P4HA1: variants seen among roughly 807,000 people sequenced by gnomAD.
The protein encoded by P4HA1 is prolyl 4-hydroxylase subunit alpha-1.
Under a neutral mutation model 72.8 loss-of-function variants are expected in P4HA1, and 24 were observed. That is an observed-to-expected ratio of 0.33 (90% CI 0.24 to 0.46). The LOEUF (loss-of-function observed/expected upper bound fraction) is 0.46. P4HA1 is among the 20% of genes least tolerant of loss of function. The pLI is 1.00. For missense variants in P4HA1, 446 were observed against 640.6 expected (o/e 0.70, Z 3.28); for synonymous variants, 201 against 218.8 (o/e 0.92, Z 0.72).
In P4HA1 at chr10:73,053,436, A is replaced by G. The variant is rs1413981139; in HGVS notation, c.618T>C (p.Ser206=). Residue 206 remains serine (S), a synonymous_variant, in exon 6 of 15, where the codon TCT becomes TCC. Transcript: ENST00000394890. ...CCGCATAGCTCAAATAATCTAGAAC[A>G]GAGACTTTATCTATGGTAGAAATCT... ...EGEISTIDKV[S]VLDYLSYAVY... is the part of the protein sequence containing the mutation. 1 of 1,614,136 alleles carries G rather than the reference A, an allele frequency of 6.2e-7. No individual in the cohort carries two copies. The highest frequency in any genetic ancestry group is 2.2e-5 in the East Asian group (1 of 44,888).
intron 9 of P4HA1, among the ~76,000 whole-genome samples, chr10:73,034,422 G>T (rs998021062): frequency 6.6e-6 from 1 of 151,854 alleles, no homozygotes; most frequent in Non-Finnish European, 1.5e-5. Flanking sequence ...ACAGAAAACT[G>T]TACCCACTGA....
At chr10:73,020,416 C>CA (rs1284565602) in intron 10 of P4HA1, among the ~76,000 whole-genome samples, 1 of 151,508 alleles carries the variant, frequency 6.6e-6, no homozygotes, top group Non-Finnish European at 1.5e-5. Context: ...TAATTAAAAA[C>CA]AAAAAAACAA....
chr10:73,036,485 C>T (rs1371609855), intron 9 of P4HA1, among the ~76,000 whole-genome samples: 1 of 152,028 alleles, frequency 6.6e-6, no homozygotes, highest in Non-Finnish European at 1.5e-5. Flanking sequence ...CAACTTCTAC[C>T]TCCCGGGCTC....
chr10:73,037,549 ATATATATATATATATATATATATTT>A (rs1202728813), intron 9 of P4HA1, among the ~76,000 whole-genome samples: 3 of 29,324 alleles, frequency 1.0e-4, no homozygotes, highest in African/African-American at 2.7e-4. Context: ...ATATATATAT[ATATATATATATATATATATATATTT>A]TTTTTTTTTT....
At chr10:73,045,118 G>A in intron 8 of P4HA1, 67 bp from the exon 9 acceptor site, 3 of 1,303,536 alleles carry the variant, frequency 2.3e-6, no homozygotes, top group Middle Eastern at 1.8e-4. Flanking sequence ...TACCCAACCA[G>A]TCAGAATTCC....
At chr10:73,031,724 T>G (rs1306653483) in intron 9 of P4HA1, among the ~76,000 whole-genome samples, 1 of 152,134 alleles carries the variant, frequency 6.6e-6, no homozygotes, top group Non-Finnish European at 1.5e-5. Context: ...TAGACATTGG[T>G]TATAGTTGCA....
chr10:73,052,896 C>A (rs1841052197), intron 6 of P4HA1, among the ~76,000 whole-genome samples: 1 of 152,158 alleles, frequency 6.6e-6, no homozygotes, highest in Non-Finnish European at 1.5e-5. Context: ...TGAAGAAACA[C>A]TACATCTCTG....
chr10:73,077,466 T>C (rs1411759665), intron 1 of P4HA1, among the ~76,000 whole-genome samples: 1 of 152,202 alleles, frequency 6.6e-6, no homozygotes, highest in Non-Finnish European at 1.5e-5. Context: ...CAGCTTAAGA[T>C]GGTATTTTTC....
intron 7 of P4HA1, among the ~76,000 whole-genome samples, chr10:73,047,549 CAAAAA>C (rs1167975608): frequency 1.2e-4 from 7 of 59,120 alleles, no homozygotes; most frequent in Non-Finnish European, 2.5e-4. Context: ...ATGCTTGTGG[CAAAAA>C]AAAAAAAAAA....
At chr10:73,062,323 CT>C (rs1411074473) in intron 5 of P4HA1, among the ~76,000 whole-genome samples, 1 of 151,900 alleles carries the variant, frequency 6.6e-6, no homozygotes, top group East Asian at 1.9e-4. Flanking sequence ...CTACAGGGCT[CT>C]TTTTATGCTG....
chr10:73,010,001 C>T, intron 13 of P4HA1, 98 bp from the exon 14 acceptor site: 2 of 658,538 alleles, frequency 3.0e-6, no homozygotes, highest in Non-Finnish European at 2.7e-6. Flanking sequence ...CAGAGTCTTG[C>T]TCTATCGCCC....
intron 5 of P4HA1, among the ~76,000 whole-genome samples, chr10:73,057,941 A>G (rs899718178): frequency 1.3e-5 from 2 of 151,816 alleles, no homozygotes; most frequent in African/African-American, 2.4e-5. Context: ...AATACAAAAA[A>G]TTAGCCGGGC....
chr10:73,078,068 CA>C (rs61030339), intron 1 of P4HA1, among the ~76,000 whole-genome samples: 962 of 59,430 alleles, frequency 0.016, 9 homozygotes, highest in East Asian at 0.067. Context: ...GCTTATGTGT[CA>C]AAAAAAAAAA....
Position 73,009,943 on chromosome 10 carries a change from G to A in P4HA1, c.1438-40C>T, listed in dbSNP as rs779056009. Reference sequence around the variant, plus strand: ...TCACAATTATCCCCAAGTATACAATGCCAGGTAATTGCTTTCGGTAGTTAT... The same window carrying A: ...TCACAATTATCCCCAAGTATACAATACCAGGTAATTGCTTTCGGTAGTTAT... On this transcript the variant is annotated intron_variant, in intron 13 of 14. Transcript: ENST00000394890. 6.5e-6 allele frequency: 7 copies of A among 1,081,352 alleles called. No homozygotes were observed. The African/African-American group carries it at 7.8e-5, about 12-fold the overall frequency. 67.0% of individuals were successfully genotyped at this position (1,081,352 alleles called of 1,614,324 possible).
intron 9 of P4HA1, among the ~76,000 whole-genome samples, chr10:73,037,256 CAATT>C (rs1840595137): frequency 2.8e-5 from 4 of 142,716 alleles, no homozygotes; most frequent in South Asian, 4.7e-4. Flanking sequence ...GCTGTGCATT[CAATT>C]AGAGTAACAT....
At chr10:73,044,940 A>T in intron 9 of P4HA1, 41 bp downstream of exon 9, 1 of 1,488,154 alleles carries the variant, frequency 6.7e-7, no homozygotes, top group Non-Finnish European at 9.3e-7. Context: ...TGTATAAAAC[A>T]CTCATTAGAG....
At chr10:73,083,550 C>T (rs1030758072) in intron 1 of P4HA1, among the ~76,000 whole-genome samples, 20 of 152,108 alleles carry the variant, frequency 1.3e-4, no homozygotes, top group African/African-American at 2.4e-4. Context: ...TCAGAAAGAA[C>T]GTTAAGATGA....
intron 9 of P4HA1, among the ~76,000 whole-genome samples, chr10:73,032,735 C>T (rs755179095): frequency 4.6e-5 from 7 of 152,158 alleles, no homozygotes; most frequent in African/African-American, 7.2e-5. Flanking sequence ...CGCTGCCAGA[C>T]GAAGCCAAAG....
chr10:73,076,199 T>C (rs1841693506), intron 1 of P4HA1, among the ~76,000 whole-genome samples: 1 of 152,192 alleles, frequency 6.6e-6, no homozygotes, highest in Non-Finnish European at 1.5e-5. Context: ...ATATGAATTA[T>C]ATTGCAATGA....
Sources: allele counts gnomAD v4.1 joint callset (sites outside exome capture counted in the v4.1 genomes callset), GRCh38; gene constraint gnomAD v4.1.1; transcripts MANE v1.5; gene names NCBI Gene and HGNC (gene_info 2026-07-23, HGNC 2026-07-21).